The following CHODL variants were observed in gnomAD, a reference collection of about 807,000 sequenced individuals.
CHODL encodes chondrolectin.
In CHODL, 29 loss-of-function variants were observed where a neutral mutation model predicts 34.5. That is an observed-to-expected ratio of 0.84 (90% CI 0.63 to 1.15). The LOEUF (loss-of-function observed/expected upper bound fraction) is 1.15. Among genes scored for constraint, CHODL ranks in the 50% most tolerant of loss-of-function variants. The probability of loss-of-function intolerance (pLI) is 0.00; values close to 1 mark genes in which losing one functional copy is unlikely to be tolerated. For missense variants in CHODL, 332 were observed against 332.5 expected (o/e 1.00, Z 0.01); for synonymous variants, 125 against 116.1 (o/e 1.08, Z -0.49).
At chr21:17,954,311 C>A (rs1204993457) in intron 1 of CHODL, among the ~76,000 whole-genome samples, 2 of 151,994 alleles carry the variant, frequency 1.3e-5, no homozygotes, top group Non-Finnish European at 2.9e-5. Flanking sequence ...AACCCAAGAA[C>A]ATAGTTGCAA....
In CHODL at chr21:18,262,899, T is replaced by C. The variant is rs201620548; in HGVS notation, c.737+6T>C. ...TTCCAGATGCTGCATAAAAGGTAAA[T>C]AACTCATATATGTAGAGACAATTTG... On this transcript the variant is annotated splice_donor_region_variant and intron_variant, in intron 5 of 5. Transcript: ENST00000299295. The C allele has an allele frequency of 6.7e-7, 1 of 1,502,880 alleles. No homozygotes were observed. Among genetic ancestry groups the C allele is most frequent in the East Asian group, 2.3e-5 (1 of 44,276 alleles). 93.1% of individuals were successfully genotyped at this position (1,502,880 alleles called of 1,614,324 possible).
At chr21:18,211,049 C>T (rs1358419443) in intron 2 of CHODL, among the ~76,000 whole-genome samples, 1 of 152,024 alleles carries the variant, frequency 6.6e-6, no homozygotes, top group African/African-American at 2.4e-5. Flanking sequence ...GCCTCAAAGA[C>T]TCCCACCCAA....
chr21:18,253,353 A>T (rs1435498619), intron 1 of CHODL, among the ~76,000 whole-genome samples: 1 of 152,042 alleles, frequency 6.6e-6, no homozygotes, highest in Non-Finnish European at 1.5e-5. Context: ...ATCTTGCAAA[A>T]CAATCTTCTT....
intron 1 of CHODL, among the ~76,000 whole-genome samples, chr21:17,918,100 A>G (rs1282435653): frequency 2.0e-5 from 3 of 152,132 alleles, no homozygotes; most frequent in African/African-American, 7.2e-5. Context: ...AGGATAAGGA[A>G]GGTGTTAGGC....
upstream of CHODL, among the ~76,000 whole-genome samples, chr21:18,240,047 A>G (rs924443886): frequency 6.6e-5 from 10 of 152,224 alleles, no homozygotes; most frequent in East Asian, 1.5e-3. Flanking sequence ...AATATCTAGC[A>G]TAGCGATTTC....
At chr21:17,938,036 C>T (rs1442772627) in intron 1 of CHODL, among the ~76,000 whole-genome samples, 1 of 152,216 alleles carries the variant, frequency 6.6e-6, no homozygotes. Context: ...CCTCACCCCA[C>T]ATACTTTTCA....
chr21:18,161,842 C>T (rs2073099230), intron 2 of CHODL, among the ~76,000 whole-genome samples: 1 of 152,180 alleles, frequency 6.6e-6, no homozygotes, highest in African/African-American at 2.4e-5. Flanking sequence ...CTGAAAGCTC[C>T]TAAGGGTAGG....
rs558711853 is a variant in CHODL at position 17,965,883 on chromosome 21, C to T, written c.-145+48483C>T. On this transcript the variant is annotated intron_variant, in intron 1 of 6. Coordinates refer to the CHODL transcript ENST00000400127. ...ACTTAATTGTTCTATTGAATGACAG[C>T]GTTATAAATACCTATCAAGAGAAGG... Among the ~76,000 whole-genome samples, 15 of 147,652 alleles carry T rather than the reference C, an allele frequency of 1.0e-4. No individual in the cohort carries two copies. The South Asian group carries it at 2.6e-3, about 25-fold the overall frequency.
chr21:18,069,401 G>T (rs569439944), intron 2 of CHODL, among the ~76,000 whole-genome samples: 30 of 151,998 alleles, frequency 2.0e-4, no homozygotes, highest in African/African-American at 7.0e-4. Context: ...TACACTAGTG[G>T]ATATCAGCTT....
At chr21:18,249,720 C>T (rs1385911428) in intron 1 of CHODL, among the ~76,000 whole-genome samples, 3 of 152,142 alleles carry the variant, frequency 2.0e-5, no homozygotes, top group Non-Finnish European at 4.4e-5. Flanking sequence ...GCCAGATGGC[C>T]TGGTTTCACA....
chr21:18,002,908 G>A (rs1023920298), intron 1 of CHODL, among the ~76,000 whole-genome samples: 2 of 152,134 alleles, frequency 1.3e-5, no homozygotes, highest in Non-Finnish European at 2.9e-5. Flanking sequence ...CGGATCATAA[G>A]GTCAGGAGAT....
chr21:17,979,278 A>T (rs2063695736), intron 1 of CHODL, among the ~76,000 whole-genome samples: 1 of 152,210 alleles, frequency 6.6e-6, no homozygotes, highest in Non-Finnish European at 1.5e-5. Flanking sequence ...AGTCTATTTG[A>T]GAGAGTTCTT....
rs547850263 is a variant in CHODL at position 18,119,024 on chromosome 21, T to A, written c.-45+91053T>A. ...TCTCTTTCCCCTCTTTCCTTTTATA[T>A]GATATATCCTTTTATTTTTTAAAAA... On this transcript the variant is annotated intron_variant, in intron 2 of 6. Coordinates refer to the CHODL transcript ENST00000400127. Among the ~76,000 whole-genome samples the A allele has an allele frequency of 2.0e-5, 3 of 152,290 alleles. No individual in the cohort carries two copies. In the East Asian group the frequency reaches 5.8e-4, roughly 29 times the overall value.
At chr21:18,033,965 T>G (rs1279353955) in intron 2 of CHODL, among the ~76,000 whole-genome samples, 1 of 152,008 alleles carries the variant, frequency 6.6e-6, no homozygotes, top group Non-Finnish European at 1.5e-5. Context: ...TTAAGATAAG[T>G]TTGAGTATCA....
At chr21:18,154,435 T>C (rs1053839742) in intron 2 of CHODL, among the ~76,000 whole-genome samples, 1 of 152,164 alleles carries the variant, frequency 6.6e-6, no homozygotes, top group African/African-American at 2.4e-5. Flanking sequence ...TCCCCGTATG[T>C]TTCCTAGTTG....
intron 4 of CHODL, among the ~76,000 whole-genome samples, chr21:18,262,117 C>T (rs2074389595): frequency 6.6e-6 from 1 of 151,838 alleles, no homozygotes. Flanking sequence ...AAAGCTAGTC[C>T]ATGTCTGAAT....
chr21:18,082,717 A>G (rs2064957084), intron 2 of CHODL, among the ~76,000 whole-genome samples: 1 of 152,260 alleles, frequency 6.6e-6, no homozygotes, highest in Non-Finnish European at 1.5e-5. Flanking sequence ...AATCTATGGA[A>G]CTTTGAACTT....
chr21:18,004,362 G>T (rs1247525160), intron 1 of CHODL, among the ~76,000 whole-genome samples: 1 of 152,164 alleles, frequency 6.6e-6, no homozygotes, highest in Non-Finnish European at 1.5e-5. Flanking sequence ...ATATGTATTA[G>T]CATACTGTAC....
In CHODL at chr21:18,083,317, T is replaced by C. The variant is rs371418362; in HGVS notation, c.-45+55346T>C. ...TAGAGGATGTACGGAAAAGCCTGTA[T>C]GTCCAGGCAGAAGTCTACTGCAGGG... is the stretch of plus-strand genomic sequence containing the variant. On this transcript the variant is annotated intron_variant, in intron 2 of 6. Coordinates refer to the CHODL transcript ENST00000400127. Among the ~76,000 whole-genome samples, 5 of 152,360 alleles carry C rather than the reference T, an allele frequency of 3.3e-5. No individual in the cohort carries two copies. In the East Asian group the frequency reaches 5.8e-4, roughly 18 times the overall value.
Sources: allele counts gnomAD v4.1 joint callset (sites outside exome capture counted in the v4.1 genomes callset), GRCh38; gene constraint gnomAD v4.1.1; transcripts MANE v1.5; gene names NCBI Gene and HGNC (gene_info 2026-07-23, HGNC 2026-07-21).